The following TRPV6 variants were observed in gnomAD, a reference collection of about 807,000 sequenced individuals.
TRPV6 encodes transient receptor potential cation channel subfamily V member 6.
In TRPV6, 39 loss-of-function variants were observed where a neutral mutation model predicts 79.0. The observed-to-expected ratio is 0.49, with a 90% CI of 0.38 to 0.64. The LOEUF (loss-of-function observed/expected upper bound fraction) is 0.64, where lower values mean the gene tolerates loss of function less well. Ranked by LOEUF, TRPV6 falls within the 30% of genes least tolerant of loss-of-function variation. The pLI, the probability that TRPV6 is intolerant of heterozygous loss-of-function variation, is 0.00. For synonymous variants in TRPV6, 373 were observed against 391.9 expected (o/e 0.95, Z 0.57); for missense variants, 813 against 1,011.1 (o/e 0.80, Z 2.66).
intron 8 of TRPV6, 51 bp from the exon 9 acceptor site, chr7:142,875,215 C>T: frequency 6.3e-7 from 1 of 1,598,922 alleles, no homozygotes; most frequent in Non-Finnish European, 8.6e-7. Context: ...AGGCCTCTGC[C>T]CTGCATTTCC....
chr7:142,876,289 C>G, intron 6 of TRPV6, 119 bp downstream of exon 6: 1 of 1,430,990 alleles, frequency 7.0e-7, no homozygotes, highest in Non-Finnish European at 9.3e-7. Flanking sequence ...TGAAAAATTT[C>G]TGAGTTGAGA....
In TRPV6 at chr7:142,875,093, G is replaced by C. The variant is rs1795029225; in HGVS notation, c.1314C>G (p.Ile438Met). Reference sequence around the variant, plus strand: ...CACACCTCACCTCTACCAGCAGGATGATGATAGCCCCAATGACAGTCACCA... The same window carrying C: ...CACACCTCACCTCTACCAGCAGGATCATGATAGCCCCAATGACAGTCACCA... Residue 438 changes from isoleucine (I) to methionine (M), a missense_variant, in exon 9 of 15, where the codon ATC becomes ATG. Ile to Met is a conservative substitution (Grantham distance 10). Transcript: ENST00000359396. The C allele has an allele frequency of 1.2e-6, 2 of 1,614,048 alleles. No individual in the cohort carries two copies. Among genetic ancestry groups the C allele is most frequent in the South Asian group, 2.2e-5 (2 of 91,086 alleles).
chr7:142,881,023 GC>G (rs1050511999), intron 1 of TRPV6: 2 of 152,176 alleles, frequency 1.3e-5, no homozygotes, highest in Non-Finnish European at 2.9e-5. Context: ...AAAAAGGGGG[GC>G]CCAGCCTGTG....
At chr7:142,880,487 T>G (rs1795170285) in intron 1 of TRPV6, 1 of 152,250 alleles carries the variant, frequency 6.6e-6, no homozygotes, top group Non-Finnish European at 1.5e-5. Flanking sequence ...GTGTCCCATT[T>G]TGACCAAATG....
At chr7:142,876,313 A>G (rs972259014) in intron 6 of TRPV6, 95 bp downstream of exon 6, 3 of 1,489,676 alleles carry the variant, frequency 2.0e-6, no homozygotes, top group South Asian at 1.3e-5. Flanking sequence ...GGATCTAAGC[A>G]TCAGGGATCG....
At chr7:142,877,614 C>CT in intron 3 of TRPV6, 37 bp downstream of exon 3, 1 of 1,599,106 alleles carries the variant, frequency 6.3e-7, no homozygotes, top group Non-Finnish European at 8.5e-7. Context: ...CCCAACCAGT[C>CT]ACTCCTGCTC....
chr7:142,885,671 G>T lies in TRPV6; in HGVS notation c.-35C>A, dbSNP rs1795291849. Reference sequence around the variant, plus strand: ...CCTGCCTTCCTGACGAGTTCCTTGGGAGTCTCCCAGCAGCCCCAGCCAGTT... The same window carrying T: ...CCTGCCTTCCTGACGAGTTCCTTGGTAGTCTCCCAGCAGCCCCAGCCAGTT... On this transcript the variant is annotated 5_prime_UTR_variant, in exon 1 of 15. Coordinates refer to ENST00000359396, the MANE Select transcript of TRPV6 (RefSeq NM_018646.6). 3 of 1,058,520 alleles carry T rather than the reference G, an allele frequency of 2.8e-6. No individual in the cohort carries two copies. Among genetic ancestry groups the T allele is most frequent in the Non-Finnish European group, 1.3e-6 (1 of 760,758 alleles). The allele number at this position is 1,058,520 out of a possible 1,614,324, so 65.6% of individuals were successfully genotyped here. A position where few individuals can be genotyped will look rare whatever the true frequency, so the allele number is the denominator to read the frequency against.
intron 6 of TRPV6, chr7:142,876,203 A>T: frequency 1.2e-6 from 1 of 820,804 alleles, no homozygotes; most frequent in Non-Finnish European, 1.9e-6. Context: ...CATGGGATCT[A>T]GACTCTGTAA....
At chr7:142,876,681 T>A in intron 5 of TRPV6, 58 bp downstream of exon 5, 2 of 1,613,164 alleles carry the variant, frequency 1.2e-6, no homozygotes, top group Non-Finnish European at 8.5e-7. Context: ...GCCCCTCTCC[T>A]CACCCTGTCC....
chr7:142,874,017 C>T (rs1795000402), intron 12 of TRPV6, 59 bp downstream of exon 12: 2 of 1,569,074 alleles, frequency 1.3e-6, no homozygotes, highest in Non-Finnish European at 1.7e-6. Flanking sequence ...AGAGCCAGTG[C>T]CCCCTAGACT....
chr7:142,875,072 C>T lies in TRPV6; in HGVS notation c.1329+6G>A. The T allele has an allele frequency of 6.2e-7, 1 of 1,614,198 alleles. No individual in the cohort carries two copies. Among genetic ancestry groups the T allele is most frequent in the Non-Finnish European group, 8.5e-7 (1 of 1,180,042 alleles). ...CAGCCTCACCCAGAGTCCATCCACA[C>T]CTCACCTCTACCAGCAGGATGATGA... On this transcript the variant is annotated splice_donor_region_variant and intron_variant, in intron 9 of 14. Coordinates refer to ENST00000359396, the MANE Select transcript of TRPV6 (RefSeq NM_018646.6).
In TRPV6 at chr7:142,877,472, G is replaced by A. The variant is rs74568909; in HGVS notation, c.469+179C>T. The A allele has an allele frequency of 1.0e-3, 1,497 of 1,448,326 alleles. 12 individuals are homozygous for A. In the African/African-American group the frequency reaches 0.019, roughly 18 times the overall value. 89.7% of individuals were successfully genotyped at this position (1,448,326 alleles called of 1,614,324 possible). ...TCTTCTCTAGGCCCCTGGCATTTCA[G>A]GGGGCAGGCGTTCTAGTGATGGGCA... is the stretch of plus-strand genomic sequence containing the variant. On this transcript the variant is annotated intron_variant, in intron 3 of 14. Transcript: ENST00000359396.
At chr7:142,879,507 G>A (rs894513465) in intron 1 of TRPV6, 1 of 152,318 alleles carries the variant, frequency 6.6e-6, no homozygotes, top group Non-Finnish European at 1.5e-5. Flanking sequence ...TGACAATTAT[G>A]TGACATACAA....
chr7:142,873,011 G>A lies in TRPV6; in HGVS notation c.1908+437C>T, dbSNP rs1030774597. On this transcript the variant is annotated intron_variant, in intron 13 of 14. Transcript: ENST00000359396. This position sits in a 1 kb window ranked among gnomAD's most constrained non-coding sequence, Gnocchi z 4.8. ...TCTTCTCTCCCTATCTTGAAGATCT[G>A]GCTGAAGATAGCTTCTGCTACTATA... is the stretch of plus-strand genomic sequence containing the variant. Among the ~76,000 whole-genome samples the A allele has an allele frequency of 6.6e-6, 1 of 152,052 alleles. No individual in the cohort carries two copies. Among genetic ancestry groups the A allele is most frequent in the Non-Finnish European group, 1.5e-5 (1 of 68,032 alleles).
chr7:142,872,609 C>A, intron 13 of TRPV6, 131 bp from the exon 14 acceptor site: 1 of 914,538 alleles, frequency 1.1e-6, no homozygotes, highest in Non-Finnish European at 1.7e-6. Flanking sequence ...ATTCTTTACC[C>A]AATGACCCAA....
rs748161056 is a variant in TRPV6 at position 142,873,733 on chromosome 7, G to A, written c.1640-17C>T. On this transcript the variant is annotated splice_polypyrimidine_tract_variant and intron_variant, in intron 12 of 14. Coordinates refer to ENST00000359396, the MANE Select transcript of TRPV6 (RefSeq NM_018646.6). The surrounding 1 kb of genome is among the most constrained non-coding windows in gnomAD (Gnocchi z 4.8). Reference sequence around the variant, plus strand: ...TATAGAAGGCTGCTCCACCCAAGGGGGTGAGGGTTACCATGGCAACCATGC... The same window carrying A: ...TATAGAAGGCTGCTCCACCCAAGGGAGTGAGGGTTACCATGGCAACCATGC... 4 of 1,612,014 alleles carry A rather than the reference G, an allele frequency of 2.5e-6. No individual in the cohort carries two copies. In the South Asian group the frequency reaches 3.3e-5, roughly 13 times the overall value.
intron 3 of TRPV6, 127 bp downstream of exon 3, chr7:142,877,522 CAG>C: frequency 6.7e-7 from 1 of 1,494,156 alleles, no homozygotes. Flanking sequence ...GGAAGGGAGA[CAG>C]AGAAGAGAAA....
At position 142,885,615 on chromosome 7, in the gene TRPV6, C is replaced by T. The variant is rs931886577; in HGVS notation, c.22G>A (p.Gly8Ser). ...TCAGCCCCCCCAAGGGCCGGCCCAC[C>T]GTCTCCCTGTAGAGGTCCCGTCTCC... Residue 8 changes from glycine (G) to serine (S), a missense_variant, in exon 1 of 15, where the codon GGT (glycine) becomes AGT (serine). Gly to Ser is a moderately conservative substitution (Grantham distance 56). This residue lies in a region of TRPV6 where 555 missense variants were observed against 631.0 expected (regional missense o/e 0.88). Coordinates refer to ENST00000359396, the MANE Select transcript of TRPV6 (RefSeq NM_018646.6). 25 of 1,473,440 alleles carry T rather than the reference C, an allele frequency of 1.7e-5. No individual in the cohort carries two copies. The highest frequency in any genetic ancestry group is 1.4e-4 in the African/African-American group (10 of 70,570). 91.3% of individuals were successfully genotyped at this position (1,473,440 alleles called of 1,614,324 possible).
chr7:142,872,913 T>G (rs1794973760), intron 13 of TRPV6, among the ~76,000 whole-genome samples: 1 of 152,196 alleles, frequency 6.6e-6, no homozygotes, highest in Non-Finnish European at 1.5e-5. Context: ...TTTCCATTAT[T>G]TTGCTGAAAT....
Sources: allele counts gnomAD v4.1 joint callset (sites outside exome capture counted in the v4.1 genomes callset), GRCh38; gene constraint gnomAD v4.1.1; regional missense constraint gnomAD v4.1.1; non-coding constraint Gnocchi (gnomAD v3.1); transcripts MANE v1.5; gene names NCBI Gene and HGNC (gene_info 2026-07-23, HGNC 2026-07-21).